The following RAB3C variants were observed in gnomAD, a reference collection of about 807,000 sequenced individuals.
RAB3C encodes the protein RAB3C, member RAS oncogene family.
In RAB3C, 17 loss-of-function variants were observed where a neutral mutation model predicts 26.4. That is an observed-to-expected ratio of 0.64 (90% CI 0.44 to 0.97). RAB3C has a LOEUF of 0.97. Ranked by LOEUF, RAB3C falls within the 50% of genes least tolerant of loss-of-function variation. RAB3C has a pLI of 0.00. For synonymous variants in RAB3C, 91 were observed against 95.9 expected (o/e 0.95, Z 0.30); for missense variants, 242 against 281.9 (o/e 0.86, Z 1.01).
rs900527622 is a variant in RAB3C, at chr5:58,854,445, T to C, written c.*3094T>C. On this transcript the variant is annotated 3_prime_UTR_variant, in exon 5 of 5. Coordinates refer to ENST00000282878, the MANE Select transcript of RAB3C (RefSeq NM_138453.4). Reference sequence around the variant, plus strand: ...CTTAAATAGCCATCCTCAGAGTGAATCAGCATTTCAGTTTTTGGAGATGGG... The same window carrying C: ...CTTAAATAGCCATCCTCAGAGTGAACCAGCATTTCAGTTTTTGGAGATGGG... 4.6e-5 allele frequency: 7 copies of C among 152,178 alleles called. No individual in the cohort carries two copies. The highest frequency in any genetic ancestry group is 1.7e-4 in the African/African-American group (7 of 41,442). The allele number at this position is 152,178 out of a possible 1,614,324, so 9.4% of individuals were successfully genotyped here.
At chr5:58,641,908 A>G (rs1048053264) in intron 2 of RAB3C, among the ~76,000 whole-genome samples, 1 of 152,206 alleles carries the variant, frequency 6.6e-6, no homozygotes, top group African/African-American at 2.4e-5. Flanking sequence ...AATTTCTGGA[A>G]TATGTCTGAC....
At chr5:58,651,441 C>T (rs567576701) in intron 2 of RAB3C, among the ~76,000 whole-genome samples, 15 of 152,018 alleles carry the variant, frequency 9.9e-5, no homozygotes, top group East Asian at 1.9e-4. Flanking sequence ...AGGGGGTGCA[C>T]GAGATAATAC....
intron 4 of RAB3C, among the ~76,000 whole-genome samples, chr5:58,837,251 G>A (rs1471514219): frequency 1.3e-5 from 2 of 151,730 alleles, no homozygotes; most frequent in South Asian, 2.1e-4. Context: ...GTGTGATATC[G>A]GCTCACTGCA....
intron 3 of RAB3C, among the ~76,000 whole-genome samples, chr5:58,807,601 C>A (rs566235044): frequency 6.6e-6 from 1 of 152,280 alleles, no homozygotes; most frequent in Non-Finnish European, 1.5e-5. Context: ...TTCTTGCATT[C>A]TCACATGGTA....
At chr5:58,804,747 A>C (rs1742895658) in intron 3 of RAB3C, among the ~76,000 whole-genome samples, 1 of 152,070 alleles carries the variant, frequency 6.6e-6, no homozygotes, top group Non-Finnish European at 1.5e-5. Context: ...ATGTTCATAC[A>C]CACCATTAAA....
At chr5:58,611,811 C>G (rs1746708088) in intron 1 of RAB3C, among the ~76,000 whole-genome samples, 1 of 152,070 alleles carries the variant, frequency 6.6e-6, no homozygotes. Flanking sequence ...TTTGCCTGCT[C>G]CTATGTCAAT....
intron 2 of RAB3C, among the ~76,000 whole-genome samples, chr5:58,642,194 A>G (rs1747426556): frequency 6.6e-6 from 1 of 152,228 alleles, no homozygotes; most frequent in African/African-American, 2.4e-5. Context: ...TTGAACCATT[A>G]CTGAACTATA....
chr5:58,730,305 A>G (rs1415050755), intron 3 of RAB3C, among the ~76,000 whole-genome samples: 1 of 152,032 alleles, frequency 6.6e-6, no homozygotes, highest in East Asian at 1.9e-4. Context: ...AAATCTTAAG[A>G]AATGTTTAAG....
intron 1 of RAB3C, among the ~76,000 whole-genome samples, chr5:58,608,751 T>A (rs1746627233): frequency 6.6e-6 from 1 of 152,188 alleles, no homozygotes; most frequent in Non-Finnish European, 1.5e-5. Context: ...ATATTTATTG[T>A]GGCACTATTC....
At chr5:58,633,977 CA>C (rs532775769) in intron 2 of RAB3C, among the ~76,000 whole-genome samples, 290 of 138,626 alleles carry the variant, frequency 2.1e-3, no homozygotes, top group East Asian at 8.1e-3. Context: ...CTAAAAAATA[CA>C]AAAAAAAAAA....
At chr5:58,691,744 A>G (rs1748574509) in intron 2 of RAB3C, among the ~76,000 whole-genome samples, 2 of 152,080 alleles carry the variant, frequency 1.3e-5, no homozygotes, top group Admixed American at 6.6e-5. Context: ...CAAAATGTAT[A>G]TTTTTTTGCA....
At chr5:58,628,238 CATAAA>C (rs1182877036) in intron 2 of RAB3C, among the ~76,000 whole-genome samples, 2 of 148,520 alleles carry the variant, frequency 1.3e-5, no homozygotes, top group Non-Finnish European at 3.0e-5. Context: ...ACAAAGGAGA[CATAAA>C]ATAAAAAAGA....
chr5:58,613,978 C>T (rs968495423), intron 1 of RAB3C, among the ~76,000 whole-genome samples: 12 of 152,004 alleles, frequency 7.9e-5, no homozygotes, highest in Admixed American at 2.0e-4. Context: ...TCTTGCTGCT[C>T]AGTGTGAAGG....
At chr5:58,794,439 A>G (rs1386347305) in intron 3 of RAB3C, 3 of 152,082 alleles carry the variant, frequency 2.0e-5, no homozygotes, top group Non-Finnish European at 4.4e-5. Flanking sequence ...ATAGCAATAT[A>G]TAACACTTCC....
At chr5:58,610,601 A>G (rs531658921) in intron 1 of RAB3C, among the ~76,000 whole-genome samples, 1 of 152,114 alleles carries the variant, frequency 6.6e-6, no homozygotes, top group Non-Finnish European at 1.5e-5. Context: ...TGCACTTCCA[A>G]TACATATATC....
intron 2 of RAB3C, among the ~76,000 whole-genome samples, chr5:58,643,194 G>A (rs1292511348): frequency 6.6e-6 from 1 of 152,172 alleles, no homozygotes; most frequent in Non-Finnish European, 1.5e-5. Flanking sequence ...GGGGCATGTG[G>A]CTGAGCATAC....
chr5:58,802,950 C>T (rs571328706), intron 3 of RAB3C, among the ~76,000 whole-genome samples: 1 of 152,306 alleles, frequency 6.6e-6, no homozygotes, highest in African/African-American at 2.4e-5. Flanking sequence ...CGAAAGCTGG[C>T]TTGTAGCCTT....
At chr5:58,716,142 T>A (rs1749168852) in intron 2 of RAB3C, among the ~76,000 whole-genome samples, 1 of 150,498 alleles carries the variant, frequency 6.6e-6, no homozygotes, top group African/African-American at 2.4e-5. Flanking sequence ...TGTTTTAGAA[T>A]AGACAAGTAA....
At chr5:58,795,852 AAAG>A (rs1213792545) in intron 3 of RAB3C, among the ~76,000 whole-genome samples, 1 of 3,506 alleles carries the variant, frequency 2.9e-4, no homozygotes, top group African/African-American at 2.7e-3. Flanking sequence ...AAGCAGGAAA[AAAG>A]AAGTGAAAAA....
Sources: gnomAD v4.1 joint callset for allele counts (sites outside exome capture counted in the v4.1 genomes callset) on GRCh38, gnomAD v4.1.1 for gene constraint, MANE v1.5 for transcripts, NCBI Gene and HGNC (gene_info 2026-07-23, HGNC 2026-07-21) for gene names.